NAA15: variants seen among roughly 807,000 people sequenced by gnomAD.
The protein encoded by NAA15 is N-terminal acetyltransferase.
Under a neutral mutation model 114.0 loss-of-function variants are expected in NAA15, and 34 were observed. The observed-to-expected ratio is 0.30, with a 90% CI of 0.23 to 0.40. NAA15 has a LOEUF of 0.40. NAA15 is among the 10% of genes least tolerant of loss of function. The probability of loss-of-function intolerance (pLI) is 1.00; values close to 1 mark genes in which losing one functional copy is unlikely to be tolerated. For missense variants in NAA15, 658 were observed against 1,004.5 expected (o/e 0.66, Z 4.66); for synonymous variants, 340 against 338.0 (o/e 1.01, Z -0.06).
intron 1 of NAA15, among the ~76,000 whole-genome samples, chr4:139,314,889 G>A (rs1171931285): frequency 6.6e-6 from 1 of 151,764 alleles, no homozygotes; most frequent in African/African-American, 2.4e-5. Flanking sequence ...TGTTGGCCAC[G>A]ATGGTCTCAA....
intron 10 of NAA15, among the ~76,000 whole-genome samples, chr4:139,355,535 A>G (rs1006576544): frequency 6.6e-6 from 1 of 152,100 alleles, no homozygotes; most frequent in East Asian, 1.9e-4. Flanking sequence ...TGCTAGTATG[A>G]TAGCCAGTAG....
intron 2 of NAA15, among the ~76,000 whole-genome samples, chr4:139,335,960 T>C (rs750839012): frequency 3.3e-5 from 5 of 152,054 alleles, no homozygotes; most frequent in Non-Finnish European, 5.9e-5. Flanking sequence ...GGGTTCACCA[T>C]GTTGGCCAGG....
At chr4:139,384,188 T>C (rs1172598369) in intron 17 of NAA15, among the ~76,000 whole-genome samples, 5 of 152,174 alleles carry the variant, frequency 3.3e-5, no homozygotes, top group Non-Finnish European at 7.4e-5. Flanking sequence ...TTCTTTTTAA[T>C]GTGTATTGCT....
intron 15 of NAA15, among the ~76,000 whole-genome samples, chr4:139,375,342 C>T (rs1748552112): frequency 2.0e-5 from 3 of 152,120 alleles, no homozygotes; most frequent in South Asian, 4.1e-4. Context: ...GAAAACATTC[C>T]GGCACTGGAG....
chr4:139,315,373 G>A (rs977111928), intron 1 of NAA15, among the ~76,000 whole-genome samples: 5 of 151,812 alleles, frequency 3.3e-5, no homozygotes, highest in African/African-American at 7.3e-5. Context: ...ACAAAAATTA[G>A]CCAGGCGTGG....
intron 1 of NAA15, among the ~76,000 whole-genome samples, chr4:139,308,637 C>T (rs1376008027): frequency 6.6e-6 from 1 of 152,130 alleles, no homozygotes; most frequent in Non-Finnish European, 1.5e-5. Flanking sequence ...TCACTTTTGT[C>T]GTCCAGGCTG....
intron 1 of NAA15, among the ~76,000 whole-genome samples, chr4:139,313,706 G>A (rs899502984): frequency 2.0e-5 from 3 of 151,468 alleles, no homozygotes; most frequent in Non-Finnish European, 4.4e-5. Context: ...CTCCATGCCC[G>A]GCTAATTTTG....
chr4:139,363,949 T>C (rs1005781689), intron 14 of NAA15, among the ~76,000 whole-genome samples: 1 of 152,258 alleles, frequency 6.6e-6, no homozygotes, highest in African/African-American at 2.4e-5. Flanking sequence ...AGTGCGATCA[T>C]AGCTCACTGC....
chr4:139,301,886 T>C lies in NAA15; in HGVS notation c.54+55T>C. On this transcript the variant is annotated intron_variant, in intron 1 of 19. Coordinates refer to ENST00000296543, the MANE Select transcript of NAA15 (RefSeq NM_057175.5). The stretch of plus-strand genomic sequence containing the variant: ...GGAGGATTTAGCCGGTAACCGGGCC[T>C]GTCACCCCTAACCTCGGCCCGGCGG... 15 of 1,539,442 alleles carry C rather than the reference T, an allele frequency of 9.7e-6. No individual in the cohort carries two copies. In the South Asian group the frequency reaches 1.6e-4, roughly 16 times the overall value.
rs552355017 is a variant in NAA15 at position 139,309,420 on chromosome 4, T to C, written c.54+7589T>C. The stretch of plus-strand genomic sequence containing the variant: ...TGTGGTAAATTTATTCTTTGCTTGC[T>C]TTTTAAGTGTGTGTGTGTGTGTGTG... On this transcript the variant is annotated intron_variant, in intron 1 of 19. Transcript: ENST00000296543. Among the ~76,000 whole-genome samples the C allele has an allele frequency of 2.9e-4, 38 of 132,534 alleles. 1 individual carries two copies. Among genetic ancestry groups the C allele is most frequent in the South Asian group, 1.1e-3 (4 of 3,642 alleles). The allele number at this position is 132,534 out of a possible 152,430, so 86.9% of individuals were successfully genotyped here. A position where few individuals can be genotyped will look rare whatever the true frequency, so the allele number is the denominator to read the frequency against.
chr4:139,365,848 C>G (rs536942902), intron 14 of NAA15, among the ~76,000 whole-genome samples: 1 of 151,372 alleles, frequency 6.6e-6, no homozygotes, highest in Non-Finnish European at 1.5e-5. Context: ...GACCCTGTTT[C>G]AAAGAAAAAA....
intron 14 of NAA15, among the ~76,000 whole-genome samples, chr4:139,369,933 T>G (rs1244100361): frequency 3.9e-5 from 6 of 152,110 alleles, no homozygotes; most frequent in South Asian, 2.1e-4. Context: ...GCCTCCTGAG[T>G]AGCAGGGATT....
intron 14 of NAA15, among the ~76,000 whole-genome samples, chr4:139,366,257 G>A (rs1235790003): frequency 2.0e-5 from 3 of 152,120 alleles, no homozygotes; most frequent in Admixed American, 2.0e-4. Flanking sequence ...GGATGGGCAT[G>A]CCATCATTGG....
intron 4 of NAA15, among the ~76,000 whole-genome samples, chr4:139,341,864 G>A (rs1250592459): frequency 2.0e-5 from 3 of 151,824 alleles, no homozygotes; most frequent in African/African-American, 7.3e-5. Flanking sequence ...TGGGGCTACA[G>A]ACATGTGCCA....
Position 139,342,479 on chromosome 4 carries a change from G to GTTT in NAA15, c.403-331_403-329dup, listed in dbSNP as rs11402847. ...GGGGTTGTGGGATAAATTAATGTGT[G>GTTT]TTTTTTTTTTTTTTTTTTGAGACGG... On this transcript the variant is annotated intron_variant, in intron 4 of 19. Coordinates refer to ENST00000296543, the MANE Select transcript of NAA15 (RefSeq NM_057175.5). Among the ~76,000 whole-genome samples, 443 of 125,492 alleles carry GTTT rather than the reference G, an allele frequency of 3.5e-3. 16 individuals carry two copies. Among genetic ancestry groups the GTTT allele is most frequent in the Middle Eastern group, 0.02 (5 of 244 alleles). 82.3% of individuals were successfully genotyped at this position (125,492 alleles called of 152,430 possible).
intron 17 of NAA15, 66 bp downstream of exon 17, chr4:139,378,920 C>A: frequency 1.0e-6 from 1 of 990,008 alleles, no homozygotes; most frequent in South Asian, 1.6e-5. Flanking sequence ...TATAAGTGGT[C>A]TGTACAAGTT....
At chr4:139,310,469 A>AG (rs1746185859) in intron 1 of NAA15, among the ~76,000 whole-genome samples, 2 of 151,174 alleles carry the variant, frequency 1.3e-5, no homozygotes, top group Non-Finnish European at 2.9e-5. Context: ...AAAAAAAAAA[A>AG]CATTTTTGGA....
At chr4:139,357,090 G>T (rs952065789) in intron 10 of NAA15, among the ~76,000 whole-genome samples, 8 of 151,136 alleles carry the variant, frequency 5.3e-5, no homozygotes, top group African/African-American at 1.9e-4. Context: ...AGTACAGCTT[G>T]TCTCCCCCCT....
At chr4:139,304,620 T>C (rs931680422) in intron 1 of NAA15, among the ~76,000 whole-genome samples, 8 of 152,260 alleles carry the variant, frequency 5.3e-5, no homozygotes, top group African/African-American at 1.9e-4. Context: ...TATATAGTTA[T>C]ACTGTATTTT....
Sources: gnomAD v4.1 joint callset for allele counts (sites outside exome capture counted in the v4.1 genomes callset) on GRCh38, gnomAD v4.1.1 for gene constraint, MANE v1.5 for transcripts, NCBI Gene and HGNC (gene_info 2026-07-23, HGNC 2026-07-21) for gene names.